The following TECR variants were observed in gnomAD, a reference collection of about 807,000 sequenced individuals.
TECR encodes the protein very-long-chain enoyl-CoA reductase.
TECR carries 19 observed loss-of-function variants against 50.6 expected under a neutral mutation model. The ratio of observed to expected loss-of-function variants is 0.38; its 90% CI spans 0.26 to 0.55. The LOEUF is 0.55. Ranked by LOEUF, TECR falls within the 20% of genes least tolerant of loss-of-function variation. TECR has a pLI of 0.79. For synonymous variants in TECR, 168 were observed against 163.5 expected (o/e 1.03, Z -0.21); for missense variants, 313 against 408.3 (o/e 0.77, Z 2.01).
intron 1 of TECR, among the ~76,000 whole-genome samples, chr19:14,555,409 C>T (rs1486593569): frequency 1.3e-5 from 2 of 149,642 alleles, no homozygotes; most frequent in African/African-American, 2.5e-5. Context: ...CTGCCATGCC[C>T]AGCAAATTTT....
intron 1 of TECR, among the ~76,000 whole-genome samples, chr19:14,534,423 CTTTTTTTTTTTTTTT>C (rs756051119): frequency 3.8e-5 from 2 of 52,452 alleles, no homozygotes; most frequent in African/African-American, 9.4e-5. Context: ...CATGCCTGGC[CTTTTTTTTTTTTTTT>C]TTTTTTTTTT....
rs1568428589 is a variant in TECR at position 14,563,116 on chromosome 19, ACCCCCAGCCTGCCAT to A, written c.67-85_67-71del. 4.5e-6 allele frequency: 7 copies of A among 1,565,400 alleles called. No individual in the cohort carries two copies. The highest frequency in any genetic ancestry group is 3.3e-4 in the Middle Eastern group (2 of 5,984). On this transcript the variant is annotated intron_variant, in intron 2 of 12. Transcript: ENST00000215567. This position sits in a 1 kb window ranked among gnomAD's most constrained non-coding sequence, Gnocchi z 5.3. ...TCCCCCTTCCCATAGCTACAGCCCAACCCCCAGCCTGCCATCCCCTTTAGTACCTCCCCATCCTGA... is the reference window on the plus strand; with the variant it reads ...TCCCCCTTCCCATAGCTACAGCCCAACCCCTTTAGTACCTCCCCATCCTGA...
At chr19:14,528,745 G>C (rs1175571094), upstream of TECR, among the ~76,000 whole-genome samples, 4 of 151,706 alleles carry the variant, frequency 2.6e-5, no homozygotes, top group Admixed American at 2.6e-4. Context: ...TTCAAGACCA[G>C]CCTGGCCAAC....
Position 14,563,124 on chromosome 19 carries a change from C to G in TECR, c.67-82C>G. The G allele has an allele frequency of 6.3e-7, 1 of 1,593,278 alleles. No individual in the cohort carries two copies. Among genetic ancestry groups the G allele is most frequent in the South Asian group, 1.1e-5 (1 of 90,148 alleles). On this transcript the variant is annotated intron_variant, in intron 2 of 12. Transcript: ENST00000215567. This position sits in a 1 kb window ranked among gnomAD's most constrained non-coding sequence, Gnocchi z 5.3. ...CCCATAGCTACAGCCCAACCCCCAG[C>G]CTGCCATCCCCTTTAGTACCTCCCC...
At chr19:14,528,271 G>A (rs1409874923), upstream of TECR, among the ~76,000 whole-genome samples, 1 of 134,548 alleles carries the variant, frequency 7.4e-6, no homozygotes, top group East Asian at 2.2e-4. Flanking sequence ...TTTTTGAGAC[G>A]GTCTGTTGCT....
Position 14,533,609 on chromosome 19 carries a change from G to T in TECR, c.15+3898G>T, listed in dbSNP as rs906370248. On this transcript the variant is annotated intron_variant, in intron 1 of 12. Transcript: ENST00000215567. Reference sequence around the variant, plus strand: ...GCTGACTGTCACGCAACAAATTAATGTCTGGTTGAGGACTGTTATCATGGC... The same window carrying T: ...GCTGACTGTCACGCAACAAATTAATTTCTGGTTGAGGACTGTTATCATGGC... Among the ~76,000 whole-genome samples the T allele has an allele frequency of 2.0e-5, 3 of 152,258 alleles. No individual in the cohort carries two copies. The East Asian group carries it at 5.8e-4, about 29-fold the overall frequency.
intron 1 of TECR, among the ~76,000 whole-genome samples, chr19:14,553,103 ATCC>A (rs2073594108): frequency 1.3e-5 from 2 of 151,908 alleles, no homozygotes; most frequent in South Asian, 4.2e-4. Context: ...TGCCATATTC[ATCC>A]TCTATGAATG....
At chr19:14,564,410 C>T (rs1444331220) in intron 7 of TECR, 123 bp downstream of exon 7, 2 of 835,172 alleles carry the variant, frequency 2.4e-6, no homozygotes, top group African/African-American at 1.8e-5. Context: ...AGCCCTACCC[C>T]TAGGCCCCGC....
intron 1 of TECR, among the ~76,000 whole-genome samples, chr19:14,532,941 C>T (rs2072728766): frequency 6.6e-6 from 1 of 151,620 alleles, no homozygotes; most frequent in Admixed American, 6.6e-5. Flanking sequence ...GAAACCTCGT[C>T]TCTACTAAAA....
chr19:14,532,511 T>TG (rs1568392652), intron 1 of TECR: 25 of 65,734 alleles, frequency 3.8e-4, no homozygotes, highest in African/African-American at 1.4e-3. Flanking sequence ...AGAGTCTGTC[T>TG]CAAAAAAAAA....
intron 6 of TECR, 23 bp downstream of exon 6, chr19:14,564,120 G>T: frequency 6.2e-7 from 1 of 1,608,808 alleles, no homozygotes; most frequent in Non-Finnish European, 8.5e-7. Context: ...GGTGGGAGGA[G>T]GGTAGGGGAA....
chr19:14,555,225 T>A (rs1003853536), intron 1 of TECR, among the ~76,000 whole-genome samples: 1 of 151,530 alleles, frequency 6.6e-6, no homozygotes, highest in Non-Finnish European at 1.5e-5. Flanking sequence ...GGACCATAGG[T>A]GCGAGTCACC....
Position 14,545,673 on chromosome 19 carries a change from C to T in TECR, c.15+15962C>T, listed in dbSNP as rs544256670. On this transcript the variant is annotated intron_variant, in intron 1 of 12. Transcript: ENST00000215567. ...CAAGGGGCACAGTCCGTGTTGGTTG[C>T]GTGCATGGCGAGTGCAAACTGCACA... 1.6e-4 allele frequency: 27 copies of T among 172,288 alleles called. No homozygotes were observed. The South Asian group carries it at 2.9e-3, about 19-fold the overall frequency. The allele number at this position is 172,288 out of a possible 1,614,324, so 10.7% of individuals were successfully genotyped here.
chr19:14,543,204 A>G (rs927088612), intron 1 of TECR, among the ~76,000 whole-genome samples: 2 of 145,290 alleles, frequency 1.4e-5, no homozygotes, highest in Non-Finnish European at 3.0e-5. Context: ...AGACACCTCA[A>G]GTGTCTAACT....
At chr19:14,544,744 T>A (rs1876835751) in intron 1 of TECR, among the ~76,000 whole-genome samples, 3 of 151,782 alleles carry the variant, frequency 2.0e-5, no homozygotes, top group Admixed American at 6.6e-5. Context: ...GGGATTCTTG[T>A]GCCCCGGCCT....
intron 1 of TECR, chr19:14,562,241 C>T (rs1027386159): frequency 3.5e-5 from 21 of 602,606 alleles, no homozygotes; most frequent in East Asian, 2.2e-4. Context: ...AGGGCCGGCA[C>T]GGGCTCCTTT....
chr19:14,549,726 C>T (rs1210238480), intron 1 of TECR, among the ~76,000 whole-genome samples: 1 of 151,968 alleles, frequency 6.6e-6, no homozygotes, highest in Non-Finnish European at 1.5e-5. Flanking sequence ...GGGCAGATCA[C>T]GAGGTCAGGA....
chr19:14,529,666 C>G lies in TECR; in HGVS notation c.-31C>G, dbSNP rs907232562. ...TGCCGCGCAGTTAGGCAGCAGCAGC[C>G]GCGGAGCAGTAGCCGCCGTGGGAGG... On this transcript the variant is annotated 5_prime_UTR_variant, in exon 1 of 13. Transcript: ENST00000215567. 3 of 1,613,626 alleles carry G rather than the reference C, an allele frequency of 1.9e-6. No individual in the cohort carries two copies. The highest frequency in any genetic ancestry group is 1.7e-5 in the Admixed American group (1 of 59,994).
chr19:14,565,811 C>T lies in TECR; in HGVS notation c.867C>T (p.Tyr289=), dbSNP rs2146638867. The T allele has an allele frequency of 6.2e-7, 1 of 1,602,696 alleles. No homozygotes were observed. The highest frequency in any genetic ancestry group is 2.3e-5 in the East Asian group (1 of 44,332). ...GGGCCAAGGGCAAGCACCGCAGCTA[C>T]CTGAAGGAGTTCCGGGACTACCCGC... ...TIWAKGKHRS[Y]LKEFRDYPPL... The change falls in exon 13 of 13, where the codon TAC becomes TAT. Residue 289 remains tyrosine (Y), a synonymous_variant. Transcript: ENST00000215567.
Sources: gnomAD v4.1 joint callset for allele counts (sites outside exome capture counted in the v4.1 genomes callset) on GRCh38, gnomAD v4.1.1 for gene constraint, Gnocchi (gnomAD v3.1) non-coding constraint, MANE v1.5 for transcripts, NCBI Gene and HGNC (gene_info 2026-07-23, HGNC 2026-07-21) for gene names.